Variants in BACH2 observed in about 807,000 individuals in gnomAD.
BACH2 encodes the protein transcription regulator protein BACH2.
BACH2 carries 5 observed loss-of-function variants against 61.8 expected under a neutral mutation model. The ratio of observed to expected loss-of-function variants is 0.08; its 90% CI spans 0.04 to 0.17. BACH2 has a LOEUF of 0.17. Among genes scored for constraint, BACH2 ranks in the 10% least tolerant of loss-of-function variants. The probability of loss-of-function intolerance (pLI) is 1.00; values close to 1 mark genes in which losing one functional copy is unlikely to be tolerated. For synonymous variants in BACH2, 446 were observed against 440.1 expected, an observed-to-expected ratio of 1.01 and a Z score of -0.17; for missense variants, 824 against 1,091.1, an observed-to-expected ratio of 0.76 and a Z score of 3.45.
intron 3 of BACH2, among the ~76,000 whole-genome samples, chr6:90,213,437 C>T (rs920644304): frequency 6.6e-6 from 1 of 152,144 alleles, no homozygotes. Context: ...TCCTGTAAAC[C>T]TCCGGGAGAG....
chr6:90,104,955 G>A (rs1310876044), intron 4 of BACH2, among the ~76,000 whole-genome samples: 1 of 152,158 alleles, frequency 6.6e-6, no homozygotes, highest in East Asian at 1.9e-4. Flanking sequence ...CCTTCCGAAA[G>A]GTCATTACAT....
In BACH2 at chr6:90,100,736, C is replaced by CACACACACACAG. The variant is rs1782591380; in HGVS notation, c.-161-11628_-161-11627insCTGTGTGTGTGT. 2.0e-5 allele frequency among the ~76,000 whole-genome samples: 3 copies of CACACACACACAG among 151,658 alleles called. No homozygotes were observed. The South Asian group carries it at 6.3e-4, about 32-fold the overall frequency. On this transcript the variant is annotated intron_variant, in intron 4 of 8. Coordinates refer to ENST00000257749, the MANE Select transcript of BACH2 (RefSeq NM_021813.4). The stretch of plus-strand genomic sequence containing the variant: ...ACACACACACACACACAGACACACA[C>CACACACACACAG]ACACACACACACACCCTCTATTGGT...
intron 2 of BACH2, among the ~76,000 whole-genome samples, chr6:90,267,844 G>A (rs147910972): frequency 3.9e-5 from 6 of 152,250 alleles, no homozygotes; most frequent in Admixed American, 1.3e-4. Flanking sequence ...ATGTTTGTAT[G>A]TATGTATATG....
At chr6:90,037,795 G>A (rs1045855474) in intron 5 of BACH2, among the ~76,000 whole-genome samples, 1 of 152,176 alleles carries the variant, frequency 6.6e-6, no homozygotes, top group Non-Finnish European at 1.5e-5. Context: ...TTAAGATGGG[G>A]TCATACTGGA....
At chr6:90,006,087 G>T (rs1289133651) in intron 6 of BACH2, among the ~76,000 whole-genome samples, 1 of 152,072 alleles carries the variant, frequency 6.6e-6, no homozygotes, top group African/African-American at 2.4e-5. Flanking sequence ...AAACTTTAAG[G>T]TTATGTCATA....
intron 8 of BACH2, among the ~76,000 whole-genome samples, chr6:89,936,488 T>C: frequency 6.6e-6 from 1 of 152,158 alleles, no homozygotes; most frequent in South Asian, 2.1e-4. Flanking sequence ...AGTGGAGGAA[T>C]GTCCAAGGCA....
chr6:90,013,730 G>A (rs1456991784), intron 5 of BACH2, among the ~76,000 whole-genome samples: 1 of 151,824 alleles, frequency 6.6e-6, no homozygotes, highest in African/African-American at 2.4e-5. Context: ...GGATGGTCTT[G>A]ATCTCCTGAC....
intron 1 of BACH2, among the ~76,000 whole-genome samples, chr6:90,286,164 A>C (rs1457970264): frequency 6.6e-6 from 1 of 152,328 alleles, no homozygotes; most frequent in East Asian, 1.9e-4. Flanking sequence ...CCTTCTGAAA[A>C]ATCAAAATAG....
intron 2 of BACH2, among the ~76,000 whole-genome samples, chr6:90,256,634 ATTT>A (rs1434290254): frequency 2.0e-5 from 3 of 152,202 alleles, no homozygotes; most frequent in African/African-American, 7.2e-5. Context: ...TTGAAAAATA[ATTT>A]TTATTACGTA....
At chr6:90,035,810 T>C (rs563484978) in intron 5 of BACH2, among the ~76,000 whole-genome samples, 1 of 152,054 alleles carries the variant, frequency 6.6e-6, no homozygotes, top group Non-Finnish European at 1.5e-5. Flanking sequence ...GGCTCAAAGA[T>C]ATTAAACAAT....
chr6:90,240,952 G>C (rs1345687155), intron 3 of BACH2, among the ~76,000 whole-genome samples: 1 of 151,916 alleles, frequency 6.6e-6, no homozygotes, highest in Admixed American at 6.6e-5. Context: ...TATGAGGCTA[G>C]AAATTAAGAG....
intron 6 of BACH2, among the ~76,000 whole-genome samples, chr6:89,956,319 A>C (rs977430326): frequency 6.6e-6 from 1 of 152,196 alleles, no homozygotes; most frequent in Non-Finnish European, 1.5e-5. Context: ...AGAAGGCAGA[A>C]AGTTAACCCT....
chr6:90,267,941 G>C (rs1430694883), intron 2 of BACH2, among the ~76,000 whole-genome samples: 1 of 150,868 alleles, frequency 6.6e-6, no homozygotes, highest in Non-Finnish European at 1.5e-5. Context: ...TTTATGCATT[G>C]TCCTACAATT....
intron 6 of BACH2, among the ~76,000 whole-genome samples, chr6:89,961,785 T>G (rs1321452480): frequency 6.6e-6 from 1 of 152,212 alleles, no homozygotes; most frequent in African/African-American, 2.4e-5. Context: ...CTGGCAGATA[T>G]CTGGATTGAA....
At chr6:90,218,322 C>CCGTCCT (rs1769610487) in intron 3 of BACH2, 1 of 152,166 alleles carries the variant, frequency 6.6e-6, no homozygotes, top group Non-Finnish European at 1.5e-5. Context: ...GCTGGAGGCG[C>CCGTCCT]CGTCCTCGCC....
chr6:90,058,895 T>C (rs914379972), intron 5 of BACH2, among the ~76,000 whole-genome samples: 5 of 152,236 alleles, frequency 3.3e-5, no homozygotes, highest in Non-Finnish European at 7.3e-5. Flanking sequence ...ATTTAATAAA[T>C]GGTGCTGGGA....
chr6:90,131,300 G>C (rs1322320556), intron 4 of BACH2, among the ~76,000 whole-genome samples: 1 of 152,252 alleles, frequency 6.6e-6, no homozygotes, highest in African/African-American at 2.4e-5. Context: ...TGCTGAATCA[G>C]AGTAGGAGGC....
intron 5 of BACH2, among the ~76,000 whole-genome samples, chr6:90,032,356 G>T (rs866059301): frequency 2.9e-5 from 4 of 139,976 alleles, no homozygotes; most frequent in Admixed American, 1.4e-4. Flanking sequence ...ATTGACAAAC[G>T]GGATCTAATT....
At chr6:90,275,187 T>A (rs1008292297) in intron 1 of BACH2, among the ~76,000 whole-genome samples, 1 of 152,126 alleles carries the variant, frequency 6.6e-6, no homozygotes, top group African/African-American at 2.4e-5. Context: ...CAGGAAAAAA[T>A]TAAGAATGGC....
Sources: gnomAD v4.1 joint callset for allele counts (sites outside exome capture counted in the v4.1 genomes callset) on GRCh38, gnomAD v4.1.1 for gene constraint, MANE v1.5 for transcripts, NCBI Gene and HGNC (gene_info 2026-07-23, HGNC 2026-07-21) for gene names.